Variants in GRM8 observed in about 807,000 individuals in gnomAD.
GRM8 encodes glutamate metabotropic receptor 8.
A neutral mutation model predicts 87.2 loss-of-function variants in GRM8; 47 were observed. The ratio of observed to expected loss-of-function variants is 0.54; its 90% CI spans 0.43 to 0.69. The LOEUF is 0.69. Among genes scored for constraint, GRM8 ranks in the 30% least tolerant of loss-of-function variants. The pLI, the probability that GRM8 is intolerant of heterozygous loss-of-function variation, is 0.00. For synonymous variants in GRM8, 396 were observed against 404.5 expected, an observed-to-expected ratio of 0.98 and a Z score of 0.25; for missense variants, 1,019 against 1,139.2, an observed-to-expected ratio of 0.89 and a Z score of 1.52.
chr7:126,801,231 T>C (rs1024440170), intron 6 of GRM8, among the ~76,000 whole-genome samples: 10 of 152,264 alleles, frequency 6.6e-5, no homozygotes, highest in Non-Finnish European at 1.2e-4. Context: ...GATAACCATT[T>C]GCCAACATTT....
intron 7 of GRM8, among the ~76,000 whole-genome samples, chr7:126,668,114 G>C (rs1162647899): frequency 2.8e-4 from 43 of 152,070 alleles, no homozygotes. Flanking sequence ...CCTCTTCCTG[G>C]GTGGAACCTG....
chr7:126,905,406 G>A (rs1802573053), intron 3 of GRM8, among the ~76,000 whole-genome samples: 1 of 152,180 alleles, frequency 6.6e-6, no homozygotes, highest in Non-Finnish European at 1.5e-5. Context: ...CTGCCTCTGG[G>A]CTGGGGTAGG....
chr7:126,531,289 CT>C (rs1436216783), intron 9 of GRM8, among the ~76,000 whole-genome samples: 8 of 152,096 alleles, frequency 5.3e-5, no homozygotes, highest in Admixed American at 5.2e-4. Flanking sequence ...TTTCTTTAGC[CT>C]TTTTCACATT....
At chr7:126,465,767 T>G (rs1352943459) in intron 9 of GRM8, among the ~76,000 whole-genome samples, 3 of 151,886 alleles carry the variant, frequency 2.0e-5, no homozygotes, top group Admixed American at 1.3e-4. Flanking sequence ...GAATCTTACC[T>G]TTTCTTTCTA....
intron 6 of GRM8, among the ~76,000 whole-genome samples, chr7:126,770,631 C>A (rs899833235): frequency 7.9e-5 from 12 of 152,002 alleles, no homozygotes; most frequent in African/African-American, 2.7e-4. Flanking sequence ...TTTAGAATTT[C>A]TGTTAAAAAG....
At chr7:126,861,867 T>C (rs1230604475) in intron 6 of GRM8, among the ~76,000 whole-genome samples, 1 of 152,046 alleles carries the variant, frequency 6.6e-6, no homozygotes, top group East Asian at 1.9e-4. Flanking sequence ...CATTTTTTGA[T>C]CTGTAACTGG....
chr7:126,665,321 T>C (rs780011304), intron 7 of GRM8, among the ~76,000 whole-genome samples: 2 of 152,126 alleles, frequency 1.3e-5, no homozygotes, highest in South Asian at 2.1e-4. Context: ...TGCAACACTA[T>C]TTGCAATAGC....
At chr7:126,471,972 T>G (rs1805317143) in intron 9 of GRM8, among the ~76,000 whole-genome samples, 1 of 152,198 alleles carries the variant, frequency 6.6e-6, no homozygotes, top group African/African-American at 2.4e-5. Flanking sequence ...GGGAGTTCAC[T>G]CATGATTTGG....
chr7:126,842,929 G>A (rs990612985), intron 6 of GRM8, among the ~76,000 whole-genome samples: 1 of 152,092 alleles, frequency 6.6e-6, no homozygotes, highest in African/African-American at 2.4e-5. Flanking sequence ...CACTAAATTT[G>A]TGGTAATTTT....
chr7:126,585,690 A>G, intron 8 of GRM8, among the ~76,000 whole-genome samples: 1 of 152,168 alleles, frequency 6.6e-6, no homozygotes, highest in Non-Finnish European at 1.5e-5. Flanking sequence ...TCAAAATAAT[A>G]AGAGCTATTT....
At position 127,003,239 on chromosome 7, in the gene GRM8, G is replaced by A. The variant is rs1470885106; in HGVS notation, c.728-98556C>T. ...GGACACTTTACAACTGATGGTTGAT[G>A]TTTACTTCGTTAAATGAATTTTAAA... On this transcript the variant is annotated intron_variant, in intron 3 of 10. Transcript: ENST00000339582. Among the ~76,000 whole-genome samples, 5 of 151,734 alleles carry A rather than the reference G, an allele frequency of 3.3e-5. No homozygotes were observed. The East Asian group carries it at 9.6e-4, about 29-fold the overall frequency.
At chr7:126,694,596 A>C (rs1370777518) in intron 7 of GRM8, among the ~76,000 whole-genome samples, 1 of 152,180 alleles carries the variant, frequency 6.6e-6, no homozygotes, top group African/African-American at 2.4e-5. Context: ...TTGCCTTATA[A>C]CTGTTATACA....
chr7:126,739,906 T>C (rs988121368), intron 7 of GRM8, among the ~76,000 whole-genome samples: 9 of 152,072 alleles, frequency 5.9e-5, no homozygotes, highest in Non-Finnish European at 1.0e-4. Flanking sequence ...TACAGGTATA[T>C]AGCCTAGGAG....
intron 9 of GRM8, among the ~76,000 whole-genome samples, chr7:126,449,554 A>T (rs1444073686): frequency 6.6e-6 from 1 of 151,826 alleles, no homozygotes; most frequent in Non-Finnish European, 1.5e-5. Flanking sequence ...TTGTTTAGAG[A>T]AGAGCTGATA....
chr7:126,988,175 C>A (rs771915913), intron 3 of GRM8, among the ~76,000 whole-genome samples: 9 of 152,178 alleles, frequency 5.9e-5, no homozygotes, highest in Non-Finnish European at 1.3e-4. Flanking sequence ...CAAAACCCTG[C>A]AGGAAGCAAA....
intron 3 of GRM8, among the ~76,000 whole-genome samples, chr7:126,982,666 C>T (rs745462992): frequency 3.3e-5 from 5 of 150,444 alleles, no homozygotes; most frequent in Admixed American, 3.3e-4. Flanking sequence ...CAAGTGTGTA[C>T]ATGCACAAAC....
At chr7:126,498,432 C>T (rs1222557514) in intron 9 of GRM8, among the ~76,000 whole-genome samples, 1 of 151,828 alleles carries the variant, frequency 6.6e-6, no homozygotes, top group East Asian at 1.9e-4. Flanking sequence ...TTAGTGGGGG[C>T]CTCAGAAGAT....
intron 8 of GRM8, among the ~76,000 whole-genome samples, chr7:126,573,051 A>G (rs1227037045): frequency 6.6e-6 from 1 of 152,236 alleles, no homozygotes; most frequent in Non-Finnish European, 1.5e-5. Context: ...TAGACTGAAT[A>G]TAAGAGAAGA....
chr7:126,885,566 A>G (rs1253564773), intron 6 of GRM8, among the ~76,000 whole-genome samples: 1 of 152,174 alleles, frequency 6.6e-6, no homozygotes. Context: ...GAACACAGGA[A>G]GAAAAGTCGT....
Sources: gnomAD v4.1 joint callset for allele counts (sites outside exome capture counted in the v4.1 genomes callset) on GRCh38, gnomAD v4.1.1 for gene constraint, MANE v1.5 for transcripts, NCBI Gene and HGNC (gene_info 2026-07-23, HGNC 2026-07-21) for gene names.